Variants in COL19A1 observed in about 807,000 individuals in gnomAD.
COL19A1 encodes collagen alpha-1(XIX) chain.
In COL19A1, 159 loss-of-function variants were observed where a neutral mutation model predicts 190.2. That is an observed-to-expected ratio of 0.84 (90% confidence interval 0.73 to 0.95). The LOEUF (loss-of-function observed/expected upper bound fraction) is 0.95. COL19A1 is among the 40% of genes least tolerant of loss of function. COL19A1 has a pLI of 0.00. For missense variants in COL19A1, 1,418 were observed against 1,431.9 expected (o/e 0.99, Z 0.16); for synonymous variants, 509 against 458.9 (o/e 1.11, Z -1.39).
intron 42 of COL19A1, among the ~76,000 whole-genome samples, chr6:70,177,255 T>A (rs76794198): frequency 0.034 from 5,174 of 152,254 alleles, 99 homozygotes; most frequent in Middle Eastern, 0.054. Flanking sequence ...TAGGTGCTCC[T>A]GCAGGGCAGG....
intron 4 of COL19A1, among the ~76,000 whole-genome samples, chr6:69,924,389 G>C (rs1362740225): frequency 6.6e-6 from 1 of 152,048 alleles, no homozygotes. Context: ...TGCTGAAAAT[G>C]GTGGTTTCCA....
At chr6:69,928,406 C>G (rs1180512375) in intron 5 of COL19A1, among the ~76,000 whole-genome samples, 1 of 152,054 alleles carries the variant, frequency 6.6e-6, no homozygotes, top group Non-Finnish European at 1.5e-5. Flanking sequence ...AGCAGTTTAT[C>G]ATTTCATTGG....
At chr6:70,128,791 TTGC>T (rs1785347607) in intron 17 of COL19A1, among the ~76,000 whole-genome samples, 1 of 152,228 alleles carries the variant, frequency 6.6e-6, no homozygotes, top group Non-Finnish European at 1.5e-5. Flanking sequence ...TTCCTTGTGT[TTGC>T]TAATTGGCTT....
intron 14 of COL19A1, among the ~76,000 whole-genome samples, chr6:70,042,613 A>G (rs1405132186): frequency 6.6e-6 from 1 of 152,126 alleles, no homozygotes; most frequent in East Asian, 1.9e-4. Context: ...TAAGACAAAA[A>G]TGAAGTTTGC....
intron 11 of COL19A1, among the ~76,000 whole-genome samples, chr6:70,008,833 T>A (rs1236942428): frequency 6.6e-6 from 1 of 151,740 alleles, no homozygotes; most frequent in East Asian, 1.9e-4. Context: ...CAATAACATA[T>A]AGAAACAATT....
In COL19A1 at chr6:70,184,913, C is replaced by G; in HGVS notation, c.2854C>G (p.Arg952Gly). 6.2e-7 allele frequency: 1 copy of G among 1,612,114 alleles called. No individual in the cohort carries two copies. Residue 952 changes from arginine to glycine, a missense_variant and splice_region_variant, in exon 46 of 51, where the codon CGT (arginine) becomes GGT (glycine). Physicochemically the swap from Arg to Gly is moderately radical, Grantham distance 125 (BLOSUM62 -2). Coordinates refer to ENST00000620364, the MANE Select transcript of COL19A1 (RefSeq NM_001858.6). ...TGGAGACAGAGGCCCCAAAGGAGAA[C>G]GTGTATGTATATTACTATTGTGATT... ...KPGDRGPKGERGDQGIPGDRG... is the reference protein window; with the variant it reads ...KPGDRGPKGEGGDQGIPGDRG...
At chr6:69,928,667 G>A (rs1358262268) in intron 5 of COL19A1, among the ~76,000 whole-genome samples, 1 of 152,122 alleles carries the variant, frequency 6.6e-6, no homozygotes, top group Non-Finnish European at 1.5e-5. Flanking sequence ...CACCGAAAGG[G>A]CAGCTCATCG....
In COL19A1 at chr6:70,063,785, T is replaced by C. The variant is rs531121540; in HGVS notation, c.1171-4638T>C. Among the ~76,000 whole-genome samples, 507 of 152,114 alleles carry C rather than the reference T, an allele frequency of 3.3e-3. 2 individuals carry two copies. The highest frequency in any genetic ancestry group is 0.023 in the South Asian group (112 of 4,810). ...ATCAAATAGATGCAATAAAAAATGA[T>C]AAAGGGGATATCACCACTGATCCCA... On this transcript the variant is annotated intron_variant, in intron 14 of 50. Transcript: ENST00000620364.
At chr6:70,020,118 C>A (rs1778337201) in intron 11 of COL19A1, among the ~76,000 whole-genome samples, 1 of 152,030 alleles carries the variant, frequency 6.6e-6, no homozygotes, top group Admixed American at 6.6e-5. Context: ...TAATTGCCAT[C>A]TAGAATTTCT....
chr6:70,044,147 A>T (rs1032240662), intron 14 of COL19A1, among the ~76,000 whole-genome samples: 2 of 151,916 alleles, frequency 1.3e-5, no homozygotes, highest in East Asian at 3.9e-4. Flanking sequence ...CAGCTTCCTC[A>T]CCTCTCTCAG....
chr6:70,035,872 G>A, intron 13 of COL19A1, 32 bp from the exon 14 acceptor site: 8 of 1,597,004 alleles, frequency 5.0e-6, no homozygotes, highest in Non-Finnish European at 6.9e-6. Context: ...AGGGACTAGT[G>A]GTAATTGTAG....
intron 11 of COL19A1, among the ~76,000 whole-genome samples, chr6:70,017,495 A>G (rs1446114643): frequency 1.3e-5 from 2 of 152,272 alleles, no homozygotes; most frequent in East Asian, 1.9e-4. Context: ...ATACCTTAAT[A>G]AAACTGTTAG....
At chr6:70,122,668 A>G (rs921753892) in intron 17 of COL19A1, among the ~76,000 whole-genome samples, 16 of 152,170 alleles carry the variant, frequency 1.1e-4, no homozygotes, top group African/African-American at 3.6e-4. Context: ...TTCTTGCACC[A>G]CAGAAAGAAT....
chr6:70,053,131 T>C (rs1025490490), intron 14 of COL19A1, among the ~76,000 whole-genome samples: 1 of 152,226 alleles, frequency 6.6e-6, no homozygotes, highest in Non-Finnish European at 1.5e-5. Context: ...TGTGCAAACA[T>C]GGAAGTCTTT....
At position 70,176,569 on chromosome 6, in the gene COL19A1, G is replaced by C. The variant is rs1466584028; in HGVS notation, c.2667+5G>C. ...CCAGGAATAGCAGGGATGTCGGTGA[G>C]TTCAGATTACTTCACATCATTTTCA... On this transcript the variant is annotated splice_donor_5th_base_variant and intron_variant, in intron 42 of 50. Coordinates refer to ENST00000620364, the MANE Select transcript of COL19A1 (RefSeq NM_001858.6). 6.2e-7 allele frequency: 1 copy of C among 1,612,578 alleles called. No individual in the cohort carries two copies.
chr6:70,049,520 A>G (rs1780083350), intron 14 of COL19A1, among the ~76,000 whole-genome samples: 1 of 151,950 alleles, frequency 6.6e-6, no homozygotes, highest in Non-Finnish European at 1.5e-5. Flanking sequence ...GAGGTGATTT[A>G]TATCTCTTTC....
At chr6:69,960,715 T>C (rs1774735375) in intron 10 of COL19A1, among the ~76,000 whole-genome samples, 1 of 150,548 alleles carries the variant, frequency 6.6e-6, no homozygotes, top group Non-Finnish European at 1.5e-5. Context: ...CTGCAAGCTC[T>C]GCCTCCGTTC....
chr6:69,900,901 A>G (rs1215612992), intron 4 of COL19A1, among the ~76,000 whole-genome samples: 3 of 152,082 alleles, frequency 2.0e-5, no homozygotes, highest in African/African-American at 7.2e-5. Flanking sequence ...TCTTTTTTCT[A>G]CAGATACACT....
intron 7 of COL19A1, among the ~76,000 whole-genome samples, chr6:69,935,330 A>G (rs549173630): frequency 6.8e-6 from 1 of 147,214 alleles, no homozygotes; most frequent in East Asian, 1.9e-4. Flanking sequence ...TTTATGGTGA[A>G]GCCTGAGACA....
Sources: gnomAD v4.1 joint callset for allele counts (sites outside exome capture counted in the v4.1 genomes callset) on GRCh38, gnomAD v4.1.1 for gene constraint, MANE v1.5 for transcripts, NCBI Gene and HGNC (gene_info 2026-07-23, HGNC 2026-07-21) for gene names.